The following RFX7 variants were observed in gnomAD, a reference collection of about 807,000 sequenced individuals.
RFX7 encodes the protein DNA-binding protein RFX7.
Under a neutral mutation model 111.8 loss-of-function variants are expected in RFX7, and 26 were observed. The observed-to-expected ratio is 0.23, with a 90% CI of 0.17 to 0.32. The LOEUF (loss-of-function observed/expected upper bound fraction) is 0.32, where lower values mean the gene tolerates loss of function less well. Among genes scored for constraint, RFX7 ranks in the 10% least tolerant of loss-of-function variants. RFX7 has a pLI of 1.00. For missense variants in RFX7, 1,573 were observed against 1,772.9 expected, an observed-to-expected ratio of 0.89 and a Z score of 2.02; for synonymous variants, 624 against 624.4, an observed-to-expected ratio of 1.00 and a Z score of 0.01.
intron 2 of RFX7, among the ~76,000 whole-genome samples, chr15:56,186,333 T>C (rs537634074): frequency 2.3e-4 from 35 of 152,308 alleles, no homozygotes; most frequent in Non-Finnish European, 3.8e-4. Context: ...TCCCCAGCAT[T>C]TAAGGTCTGT....
intron 2 of RFX7, among the ~76,000 whole-genome samples, chr15:56,211,205 A>G (rs1006025315): frequency 6.6e-6 from 1 of 152,170 alleles, no homozygotes; most frequent in Admixed American, 6.5e-5. Context: ...CATTTAAAAA[A>G]GAAAGTATAT....
intron 3 of RFX7, among the ~76,000 whole-genome samples, chr15:56,166,294 C>T (rs2042781364): frequency 6.6e-6 from 1 of 152,180 alleles, no homozygotes; most frequent in Non-Finnish European, 1.5e-5. Context: ...GAATTCCTGG[C>T]AAGCTAAATG....
Position 56,088,416 on chromosome 15 carries a change from C to T in RFX7, c.*4929G>A, listed in dbSNP as rs2140500874. 6.6e-6 allele frequency: 1 copy of T among 152,292 alleles called. No individual in the cohort carries two copies. The allele number at this position is 152,292 out of a possible 1,614,324, so 9.4% of individuals were successfully genotyped here. On this transcript the variant is annotated 3_prime_UTR_variant, in exon 10 of 10. Transcript: ENST00000559447. ...ACACTGGGTCTAATGCAAAGAAATA[C>T]TCTATATACCACAGTAATATCACTC...
chr15:56,190,777 C>G (rs2043092160), intron 2 of RFX7, among the ~76,000 whole-genome samples: 1 of 152,002 alleles, frequency 6.6e-6, no homozygotes, highest in Admixed American at 6.6e-5. Flanking sequence ...CTCAGATGGA[C>G]AGACAACTGG....
intron 2 of RFX7, among the ~76,000 whole-genome samples, chr15:56,205,464 C>T (rs561267117): frequency 3.9e-5 from 6 of 152,318 alleles, no homozygotes; most frequent in African/African-American, 1.2e-4. Context: ...TATATTGCAA[C>T]TATCTTCTCT....
At chr15:56,176,312 T>G (rs2042902237) in intron 3 of RFX7, among the ~76,000 whole-genome samples, 1 of 152,146 alleles carries the variant, frequency 6.6e-6, no homozygotes, top group Non-Finnish European at 1.5e-5. Context: ...CTAATCTATG[T>G]GAGCTCAACA....
chr15:56,169,049 T>C (rs1341203159), intron 3 of RFX7, among the ~76,000 whole-genome samples: 7 of 152,196 alleles, frequency 4.6e-5, no homozygotes, highest in African/African-American at 1.4e-4. Flanking sequence ...GATAAATGCA[T>C]AGTCCTAGTA....
At chr15:56,127,893 TAA>T (rs1205111999) in intron 5 of RFX7, among the ~76,000 whole-genome samples, 4 of 138,790 alleles carry the variant, frequency 2.9e-5, no homozygotes, top group African/African-American at 2.6e-5. Context: ...TGTCCAAGTT[TAA>T]AAAAAAAAAA....
At chr15:56,110,891 T>C (rs369873983) in intron 5 of RFX7, among the ~76,000 whole-genome samples, 168 of 4,124 alleles carry the variant, frequency 0.041, 56 homozygotes, top group African/African-American at 0.043. Flanking sequence ...GTCCGGGAGG[T>C]GAGGGGAGCC....
At chr15:56,189,566 T>A (rs1020167966) in intron 2 of RFX7, among the ~76,000 whole-genome samples, 3 of 151,978 alleles carry the variant, frequency 2.0e-5, no homozygotes, top group Non-Finnish European at 4.4e-5. Context: ...GTAACTCAAT[T>A]AATAAAGAGC....
At chr15:56,182,408 A>G (rs2042984122) in intron 2 of RFX7, among the ~76,000 whole-genome samples, 1 of 152,160 alleles carries the variant, frequency 6.6e-6, no homozygotes, top group African/African-American at 2.4e-5. Flanking sequence ...ATAGAAAAAT[A>G]TAGATGAATT....
At chr15:56,110,409 G>A (rs1478982524) in intron 5 of RFX7, among the ~76,000 whole-genome samples, 5 of 113,018 alleles carry the variant, frequency 4.4e-5, no homozygotes, top group African/African-American at 6.4e-5. Context: ...CGCCCCGTCC[G>A]GGGGAGGGGG....
chr15:56,197,973 TTTA>T (rs2141175334), intron 2 of RFX7, among the ~76,000 whole-genome samples: 1 of 152,268 alleles, frequency 6.6e-6, no homozygotes, highest in South Asian at 2.1e-4. Context: ...ATAAATATCA[TTTA>T]TTAAGTCTTT....
intron 5 of RFX7, among the ~76,000 whole-genome samples, chr15:56,105,444 A>G (rs570452010): frequency 6.6e-6 from 1 of 152,182 alleles, no homozygotes; most frequent in Admixed American, 6.5e-5. Flanking sequence ...ATTTAAAACT[A>G]TAATAAACAT....
intron 5 of RFX7, among the ~76,000 whole-genome samples, chr15:56,137,429 T>G (rs574040150): frequency 9.1e-4 from 139 of 152,304 alleles, no homozygotes; most frequent in African/African-American, 3.0e-3. Context: ...TTCTCTGATG[T>G]TAGTTTGCAT....
intron 2 of RFX7, among the ~76,000 whole-genome samples, chr15:56,199,287 C>T (rs1316835478): frequency 6.6e-6 from 1 of 152,130 alleles, no homozygotes; most frequent in African/African-American, 2.4e-5. Context: ...TATAATGACT[C>T]ATTTTTGCTT....
intron 2 of RFX7, among the ~76,000 whole-genome samples, chr15:56,238,254 G>A (rs982383363): frequency 6.6e-6 from 1 of 152,074 alleles, no homozygotes; most frequent in South Asian, 2.1e-4. Flanking sequence ...ACAGCTCCCT[G>A]TAACTAAGAT....
At chr15:56,149,282 A>C (rs972661272) in intron 3 of RFX7, among the ~76,000 whole-genome samples, 1 of 152,206 alleles carries the variant, frequency 6.6e-6, no homozygotes, top group Admixed American at 6.5e-5. Context: ...TTTTGTGGTT[A>C]GGCCACTGGT....
intron 8 of RFX7, among the ~76,000 whole-genome samples, chr15:56,099,759 A>T (rs942389513): frequency 5.9e-5 from 9 of 152,204 alleles, no homozygotes; most frequent in African/African-American, 2.2e-4. Context: ...GTAATGATAC[A>T]ATTGGTAAAG....
Sources: allele counts gnomAD v4.1 joint callset (sites outside exome capture counted in the v4.1 genomes callset), GRCh38; gene constraint gnomAD v4.1.1; transcripts MANE v1.5; gene names NCBI Gene and HGNC (gene_info 2026-07-23, HGNC 2026-07-21).